The following MAD1L1 variants were observed in gnomAD, a reference collection of about 807,000 sequenced individuals.
The protein encoded by MAD1L1 is mitotic spindle assembly checkpoint protein MAD1.
Under a neutral mutation model 96.9 loss-of-function variants are expected in MAD1L1, and 95 were observed. That is an observed-to-expected ratio of 0.98 (90% CI 0.83 to 1.16). The LOEUF is 1.16. MAD1L1 is among the 50% of genes most tolerant of loss of function. The pLI, the probability that MAD1L1 is intolerant of heterozygous loss-of-function variation, is 0.00. For missense variants in MAD1L1, 1,007 were observed against 954.4 expected (o/e 1.06, Z -0.73); for synonymous variants, 473 against 396.6 (o/e 1.19, Z -2.29).
intron 17 of MAD1L1, among the ~76,000 whole-genome samples, chr7:1,921,703 A>G (rs1020659363): frequency 6.6e-6 from 1 of 152,268 alleles, no homozygotes; most frequent in African/African-American, 2.4e-5. Context: ...ATGAAATTAA[A>G]AAAAACAAAA....
intron 16 of MAD1L1, among the ~76,000 whole-genome samples, chr7:1,941,083 G>T (rs1277094681): frequency 9.7e-6 from 1 of 103,530 alleles, no homozygotes; most frequent in Non-Finnish European, 2.1e-5. Flanking sequence ...CATCCTAGAG[G>T]CTGCCCAGCA....
intron 18 of MAD1L1, among the ~76,000 whole-genome samples, chr7:1,850,598 G>A (rs914919940): frequency 6.6e-6 from 1 of 152,194 alleles, no homozygotes; most frequent in Non-Finnish European, 1.5e-5. Context: ...CGGCAGAGCC[G>A]GCCTGGGCCG....
chr7:1,895,649 G>C (rs1342782183), intron 18 of MAD1L1, among the ~76,000 whole-genome samples: 1 of 152,280 alleles, frequency 6.6e-6, no homozygotes, highest in African/African-American at 2.4e-5. Context: ...GCCCAGAGCA[G>C]GCATGGTGGG....
chr7:2,121,463 C>T (rs1467939894), intron 11 of MAD1L1, among the ~76,000 whole-genome samples: 4 of 152,352 alleles, frequency 2.6e-5, no homozygotes, highest in East Asian at 1.9e-4. Context: ...GGGTCGTTAA[C>T]AGAGTCCCGG....
In MAD1L1 at chr7:2,215,931, T is replaced by G. The variant is rs779236507; in HGVS notation, c.878A>C (p.Gln293Pro). The change falls in exon 9 of 19, where the codon CAG becomes CCG. Residue 293 changes from glutamine (Q) to proline (P), a missense_variant. Transcript: ENST00000265854. The stretch of plus-strand genomic sequence containing the variant: ...AACCAGCGTCTCCTGCATCTTCTCC[T>G]GGCGCCCCAGCTTCCTCTGCAGCCC... ...LEGLQRKLGR[Q>P]EKMQETLVGL... The G allele has an allele frequency of 2.5e-6, 4 of 1,614,216 alleles. No individual in the cohort carries two copies. The highest frequency in any genetic ancestry group is 3.4e-6 in the Non-Finnish European group (4 of 1,180,030).
At chr7:2,207,468 C>T (rs1792659218) in intron 10 of MAD1L1, among the ~76,000 whole-genome samples, 1 of 152,102 alleles carries the variant, frequency 6.6e-6, no homozygotes, top group Non-Finnish European at 1.5e-5. Flanking sequence ...TGATTTCCAA[C>T]GGCCAATGGT....
At chr7:1,866,219 G>C (rs1291572298) in intron 18 of MAD1L1, among the ~76,000 whole-genome samples, 1 of 152,250 alleles carries the variant, frequency 6.6e-6, no homozygotes, top group Admixed American at 6.5e-5. Flanking sequence ...GTACATGCTG[G>C]AAGCCAGGTG....
At chr7:1,871,323 CGCTG>C (rs1562476619) in intron 18 of MAD1L1, among the ~76,000 whole-genome samples, 1 of 135,418 alleles carries the variant, frequency 7.4e-6, no homozygotes, top group African/African-American at 2.8e-5. Context: ...ACGCCTGCCA[CGCTG>C]AACCCACCGT....
At chr7:1,938,903 GCACA>G (rs367763521) in intron 16 of MAD1L1, among the ~76,000 whole-genome samples, 26 of 81,878 alleles carry the variant, frequency 3.2e-4, no homozygotes, top group South Asian at 4.3e-4. Context: ...CCAGAGGCGC[GCACA>G]CACACACACA....
chr7:2,091,775 C>CA (rs35981269), intron 11 of MAD1L1, among the ~76,000 whole-genome samples: 35,966 of 125,112 alleles, frequency 0.29, 4,648 homozygotes, highest in Middle Eastern at 0.47. Context: ...GACTCCATCT[C>CA]AAAAAAAAAA....
chr7:1,869,455 G>A (rs941562515), intron 18 of MAD1L1, among the ~76,000 whole-genome samples: 5 of 152,228 alleles, frequency 3.3e-5, no homozygotes, highest in African/African-American at 4.8e-5. Context: ...CACAGCGATG[G>A]CCTGCAAGAG....
At chr7:1,817,320 G>GGCT (rs1781865874) in intron 18 of MAD1L1, 1 of 152,204 alleles carries the variant, frequency 6.6e-6, no homozygotes, top group African/African-American at 2.4e-5. Flanking sequence ...CACCCGCCCG[G>GGCT]GCGCGCAGCC....
intron 12 of MAD1L1, among the ~76,000 whole-genome samples, chr7:2,025,469 T>C (rs1160854531): frequency 6.6e-6 from 1 of 152,110 alleles, no homozygotes; most frequent in Non-Finnish European, 1.5e-5. Flanking sequence ...TCTTCAAAAA[T>C]AAAAGTGAAT....
intron 17 of MAD1L1, among the ~76,000 whole-genome samples, chr7:1,905,273 T>C (rs1276989362): frequency 1.1e-5 from 1 of 93,742 alleles, no homozygotes; most frequent in East Asian, 3.4e-4. Flanking sequence ...AAGACGCTCT[T>C]GCGGAACTCA....
intron 13 of MAD1L1, among the ~76,000 whole-genome samples, chr7:2,002,635 G>C (rs926339544): frequency 4.6e-5 from 7 of 152,102 alleles, no homozygotes; most frequent in Non-Finnish European, 1.0e-4. Context: ...AGGCAGGAAG[G>C]GTCTCCTGCC....
In MAD1L1 at chr7:1,999,072, G is replaced by A. The variant is rs148051857; in HGVS notation, c.1416+2993C>T. 3.7e-3 allele frequency among the ~76,000 whole-genome samples: 565 copies of A among 152,046 alleles called. 1 individual carries two copies. Among genetic ancestry groups the A allele is most frequent in the African/African-American group, 0.013 (540 of 41,436 alleles). On this transcript the variant is annotated intron_variant, in intron 14 of 18. Coordinates refer to ENST00000265854, the MANE Select transcript of MAD1L1 (RefSeq NM_001013836.2). ...CACTCCACAGAGTCCCCACTAACCC[G>A]CTCACTGAAGCAGGAGCATCTTTCA...
intron 13 of MAD1L1, among the ~76,000 whole-genome samples, chr7:2,012,154 G>A (rs967203963): frequency 5.3e-5 from 8 of 152,214 alleles, no homozygotes; most frequent in African/African-American, 1.7e-4. Context: ...GCTCCAAGCT[G>A]CCCGGCAAGG....
Position 1,968,430 on chromosome 7 carries a change from TCCA to T in MAD1L1, c.1506-10714_1506-10712del, listed in dbSNP as rs201428527. On this transcript the variant is annotated intron_variant, in intron 15 of 18. Transcript: ENST00000265854. The surrounding 1 kb of genome is among the most constrained non-coding windows in gnomAD (Gnocchi z 5.6). Reference sequence around the variant, plus strand: ...TCCATGCCTCAGTCCGGCGATCAGGTCCACCGTCAACGCCAGCAGTCATGTCCA... The same window carrying T: ...TCCATGCCTCAGTCCGGCGATCAGGTCCGTCAACGCCAGCAGTCATGTCCA... Among the ~76,000 whole-genome samples the T allele has an allele frequency of 3.4e-4, 51 of 149,746 alleles. No individual in the cohort carries two copies. In the East Asian group the frequency reaches 0.01, roughly 30 times the overall value.
At chr7:1,894,720 G>A (rs1786759112) in intron 18 of MAD1L1, among the ~76,000 whole-genome samples, 2 of 152,114 alleles carry the variant, frequency 1.3e-5, no homozygotes, top group Admixed American at 1.3e-4. Flanking sequence ...GAGGGGGCGA[G>A]CGGGGTGCTA....
Sources: allele counts gnomAD v4.1 joint callset (sites outside exome capture counted in the v4.1 genomes callset), GRCh38; gene constraint gnomAD v4.1.1; non-coding constraint Gnocchi (gnomAD v3.1); transcripts MANE v1.5; gene names NCBI Gene and HGNC (gene_info 2026-07-23, HGNC 2026-07-21).